ZFHX4: variants seen among roughly 807,000 people sequenced by gnomAD.
The protein encoded by ZFHX4 is zinc finger homeobox protein 4.
In ZFHX4, 56 loss-of-function variants were observed where a neutral mutation model predicts 267.6. The observed-to-expected ratio is 0.21, with a 90% CI of 0.17 to 0.26. ZFHX4 has a LOEUF of 0.26. Among genes scored for constraint, ZFHX4 ranks in the 10% least tolerant of loss-of-function variants. The pLI is 1.00. For synonymous variants in ZFHX4, 1,778 were observed against 1,665.6 expected, an observed-to-expected ratio of 1.07 and a Z score of -1.64; for missense variants, 4,332 against 4,420.0, an observed-to-expected ratio of 0.98 and a Z score of 0.56.
chr8:76,740,099 G>A (rs996563229), intron 3 of ZFHX4, among the ~76,000 whole-genome samples: 4 of 152,100 alleles, frequency 2.6e-5, no homozygotes, highest in African/African-American at 7.2e-5. Context: ...TGAATGCTAG[G>A]TAAAATAATA....
In ZFHX4 at chr8:76,830,917, A is replaced by G. The variant is rs374786787; in HGVS notation, c.3326-2421A>G. Among the ~76,000 whole-genome samples, 12 of 152,218 alleles carry G rather than the reference A, an allele frequency of 7.9e-5. 1 individual carries two copies. The East Asian group carries it at 1.3e-3, about 17-fold the overall frequency. ...GTTTCCGGCCTTTGCTAAGACTAGG[A>G]AAACCTTTACAGGCTCCCAAATATT... On this transcript the variant is annotated intron_variant, in intron 4 of 10. Coordinates refer to ENST00000651372, the MANE Select transcript of ZFHX4 (RefSeq NM_024721.5).
At chr8:76,805,172 T>C (rs1032613268) in intron 4 of ZFHX4, among the ~76,000 whole-genome samples, 1 of 152,118 alleles carries the variant, frequency 6.6e-6, no homozygotes, top group African/African-American at 2.4e-5. Flanking sequence ...AAGTTAAAAA[T>C]CCCTCATGTG....
intron 4 of ZFHX4, among the ~76,000 whole-genome samples, chr8:76,792,441 T>C (rs1810863039): frequency 6.6e-6 from 1 of 152,172 alleles, no homozygotes; most frequent in Admixed American, 6.6e-5. Flanking sequence ...AGAAAATGAC[T>C]CCAGAATTAA....
At chr8:76,768,780 GA>G (rs1810177515) in intron 3 of ZFHX4, among the ~76,000 whole-genome samples, 1 of 152,170 alleles carries the variant, frequency 6.6e-6, no homozygotes, top group Non-Finnish European at 1.5e-5. Context: ...CTTAATTTAT[GA>G]GTGATCTGCA....
intron 3 of ZFHX4, among the ~76,000 whole-genome samples, chr8:76,714,557 G>A (rs573820301): frequency 6.6e-6 from 1 of 152,298 alleles, no homozygotes; most frequent in Admixed American, 6.5e-5. Context: ...ATAACCGTGA[G>A]GAAACACCTT....
chr8:76,703,986 A>T, intron 1 of ZFHX4, 57 bp from the exon 2 acceptor site: 1 of 1,157,966 alleles, frequency 8.6e-7, no homozygotes, highest in Non-Finnish European at 1.2e-6. Flanking sequence ...ATGGGCTATT[A>T]GTGAGCTGTG....
intron 3 of ZFHX4, among the ~76,000 whole-genome samples, chr8:76,715,335 A>C (rs1287753120): frequency 2.0e-5 from 3 of 151,900 alleles, no homozygotes; most frequent in Non-Finnish European, 2.9e-5. Flanking sequence ...CACAAAAATT[A>C]GCCAGCAATG....
At chr8:76,695,140 T>C (rs1332743040) in intron 1 of ZFHX4, among the ~76,000 whole-genome samples, 3 of 152,050 alleles carry the variant, frequency 2.0e-5, no homozygotes, top group Non-Finnish European at 2.9e-5. Context: ...GTGGGGGTCA[T>C]GAGGATAGGC....
intron 3 of ZFHX4, among the ~76,000 whole-genome samples, chr8:76,773,473 AT>A (rs1330770701): frequency 6.6e-6 from 1 of 152,098 alleles, no homozygotes; most frequent in African/African-American, 2.4e-5. Context: ...AGTTGATTTA[AT>A]TTTTAAGTGC....
At chr8:76,762,884 TAATG>T (rs1438044520) in intron 3 of ZFHX4, among the ~76,000 whole-genome samples, 1 of 152,170 alleles carries the variant, frequency 6.6e-6, no homozygotes, top group Non-Finnish European at 1.5e-5. Context: ...GTCTTGATAA[TAATG>T]AACATAAAGA....
intron 10 of ZFHX4, 51 bp downstream of exon 10, chr8:76,856,351 G>T (rs1364126627): frequency 6.3e-7 from 1 of 1,597,054 alleles, no homozygotes; most frequent in Admixed American, 1.7e-5. Flanking sequence ...GCATCAGGTA[G>T]ACAGTCACAT....
At chr8:76,747,520 A>T (rs774901899) in intron 3 of ZFHX4, among the ~76,000 whole-genome samples, 1 of 152,194 alleles carries the variant, frequency 6.6e-6, no homozygotes, top group Non-Finnish European at 1.5e-5. Context: ...TAAGGCCACT[A>T]TTAAAATAAT....
intron 6 of ZFHX4, among the ~76,000 whole-genome samples, chr8:76,845,248 AATGCTTC>A (rs1430101452): frequency 1.3e-5 from 2 of 152,100 alleles, no homozygotes; most frequent in African/African-American, 4.8e-5. Flanking sequence ...AAAGCCTTCT[AATGCTTC>A]ATTTATATTG....
intron 4 of ZFHX4, among the ~76,000 whole-genome samples, chr8:76,804,282 T>C (rs1811192463): frequency 6.6e-6 from 1 of 152,112 alleles, no homozygotes; most frequent in Non-Finnish European, 1.5e-5. Context: ...ATTTAATTTT[T>C]CAAAAATCAA....
At chr8:76,849,405 T>C in intron 7 of ZFHX4, 107 bp from the exon 8 acceptor site, 2 of 1,047,850 alleles carry the variant, frequency 1.9e-6, no homozygotes, top group African/African-American at 1.6e-5. Context: ...TATTACACAT[T>C]GTAAGCATGT....
chr8:76,798,489 T>G (rs558714576), intron 4 of ZFHX4, among the ~76,000 whole-genome samples: 1 of 152,320 alleles, frequency 6.6e-6, no homozygotes, highest in Admixed American at 6.5e-5. Flanking sequence ...GATGATAAAT[T>G]GTACTGAATA....
In ZFHX4 at chr8:76,834,724, C is replaced by A. The variant is rs569472570; in HGVS notation, c.3394+1318C>A. 2.4e-4 allele frequency among the ~76,000 whole-genome samples: 36 copies of A among 152,078 alleles called. 1 individual carries two copies. In the South Asian group the frequency reaches 7.5e-3, roughly 32 times the overall value. Reference sequence around the variant, plus strand: ...CTCATTATTTTCCAACAGTATCTTTCAAAGAGCAAAAATTTTAATTTTAAT... The same window carrying A: ...CTCATTATTTTCCAACAGTATCTTTAAAAGAGCAAAAATTTTAATTTTAAT... On this transcript the variant is annotated intron_variant, in intron 5 of 10. Coordinates refer to ENST00000651372, the MANE Select transcript of ZFHX4 (RefSeq NM_024721.5).
In ZFHX4 at chr8:76,835,221, A is replaced by ATATATATATATATATATATG. The variant is rs1373791644; in HGVS notation, c.3394+1835_3394+1854dup. Among the ~76,000 whole-genome samples, 29 of 79,608 alleles carry ATATATATATATATATATATG rather than the reference A, an allele frequency of 3.6e-4. 1 individual carries two copies. The highest frequency in any genetic ancestry group is 6.1e-4 in the Non-Finnish European group (27 of 44,374). The allele number at this position is 79,608 out of a possible 152,430, so 52.2% of individuals were successfully genotyped here. A position where few individuals can be genotyped will look rare whatever the true frequency, so the allele number is the denominator to read the frequency against. ...CTTTTGCTTTGGTGTATATATATGTATATATATATATATATATATGTATAT... is the reference window on the plus strand; with the variant it reads ...CTTTTGCTTTGGTGTATATATATGTATATATATATATATATATATGTATATATATATATATATATGTATAT... On this transcript the variant is annotated intron_variant, in intron 5 of 10. Coordinates refer to ENST00000651372, the MANE Select transcript of ZFHX4 (RefSeq NM_024721.5).
chr8:76,693,734 A>G (rs1348114289), intron 1 of ZFHX4, among the ~76,000 whole-genome samples: 1 of 152,208 alleles, frequency 6.6e-6, no homozygotes, highest in Non-Finnish European at 1.5e-5. Context: ...AATTGCCTGA[A>G]AGGTGAAAGC....
Sources: allele counts gnomAD v4.1 joint callset (sites outside exome capture counted in the v4.1 genomes callset), GRCh38; gene constraint gnomAD v4.1.1; transcripts MANE v1.5; gene names NCBI Gene and HGNC (gene_info 2026-07-23, HGNC 2026-07-21).